The following QARS1 variants were observed in gnomAD, a reference collection of about 807,000 sequenced individuals.
The protein encoded by QARS1 is glutamine--tRNA ligase.
A neutral mutation model predicts 106.9 loss-of-function variants in QARS1; 79 were observed. The ratio of observed to expected loss-of-function variants is 0.74; its 90% confidence interval spans 0.62 to 0.89. The LOEUF (loss-of-function observed/expected upper bound fraction) is 0.89. Ranked by LOEUF, QARS1 falls within the 40% of genes least tolerant of loss-of-function variation. The pLI is 0.00. For synonymous variants in QARS1, 395 were observed against 367.7 expected, an observed-to-expected ratio of 1.07 and a Z score of -0.85; for missense variants, 966 against 997.2, an observed-to-expected ratio of 0.97 and a Z score of 0.42.
In QARS1 at chr3:49,100,264, C is replaced by T; in HGVS notation, c.1090G>A (p.Glu364Lys). The change falls in exon 13 of 24, where the codon GAG (glutamate) becomes AAG (lysine). Residue 364 changes from glutamate (E) to lysine (K), a missense_variant. Glu to Lys is a moderately conservative substitution (Grantham distance 56). Coordinates refer to ENST00000306125, the MANE Select transcript of QARS1 (RefSeq NM_005051.3). ...GGCAGAGTATTATGGCCTTTGAGCT[C>T]CTCTCCTCGCTGGTGGCACACATAA... is the stretch of plus-strand genomic sequence containing the variant. ...LAYVCHQRGE[E>K]LKGHNTLPSP... 1 of 1,614,248 alleles carries T rather than the reference C, an allele frequency of 6.2e-7. No homozygotes were observed. The highest frequency in any genetic ancestry group is 1.1e-5 in the South Asian group (1 of 91,090).
Position 49,103,937 on chromosome 3 carries a change from G to A in QARS1, c.301C>T (p.Pro101Ser), listed in dbSNP as rs1553752618. ...CGCTCGAAGTCCACAGTGTCGATGG[G>A]GTCCAAGGGGTGACTCCGCACATAC... ...LEYVRSHPLD[P>S]IDTVDFEREC... The change falls in exon 3 of 24, where the codon CCC (proline) becomes TCC (serine). Residue 101 changes from proline to serine, a missense_variant. Pro to Ser is a moderately conservative substitution (Grantham distance 74, BLOSUM62 -1). Transcript: ENST00000306125. 1 of 1,613,846 alleles carries A rather than the reference G, an allele frequency of 6.2e-7. No individual in the cohort carries two copies. The highest frequency in any genetic ancestry group is 8.5e-7 in the Non-Finnish European group (1 of 1,180,032).
At chr3:49,096,656 T>C (rs1480061908) in intron 23 of QARS1, among the ~76,000 whole-genome samples, 2 of 151,370 alleles carry the variant, frequency 1.3e-5, no homozygotes, top group Non-Finnish European at 1.5e-5. Flanking sequence ...AAAAATTAGC[T>C]GGGAGTGGTG....
At position 49,103,938 on chromosome 3, in the gene QARS1, G is replaced by A; in HGVS notation, c.300C>T (p.Asp100=). The part of the protein sequence containing the change: ...ALEYVRSHPL[D]PIDTVDFERE... The stretch of plus-strand genomic sequence containing the variant: ...GCTCGAAGTCCACAGTGTCGATGGG[G>A]TCCAAGGGGTGACTCCGCACATACT... Residue 100 remains aspartate (D), a synonymous_variant, in exon 3 of 24, where the codon GAC becomes GAT. Transcript: ENST00000306125. 1 of 1,613,974 alleles carries A rather than the reference G, an allele frequency of 6.2e-7. No individual in the cohort carries two copies. The highest frequency in any genetic ancestry group is 1.1e-5 in the South Asian group (1 of 91,090).
At position 49,104,370 on chromosome 3, in the gene QARS1, T is replaced by G; in HGVS notation, c.219A>C (p.Val73=). The G allele has an allele frequency of 6.2e-7, 1 of 1,614,018 alleles. No homozygotes were observed. Among genetic ancestry groups the G allele is most frequent in the Middle Eastern group, 1.6e-4 (1 of 6,062 alleles). Residue 73 remains valine (V), a synonymous_variant, in exon 2 of 24, where the codon GTA becomes GTC. Coordinates refer to ENST00000306125, the MANE Select transcript of QARS1 (RefSeq NM_005051.3). ...GGATCTTCTTACTGGCTATGTAGCTTACAAGGAAGGAGAGACGCCGGGTAT... is the reference window on the plus strand; with the variant it reads ...GGATCTTCTTACTGGCTATGTAGCTGACAAGGAAGGAGAGACGCCGGGTAT... ...LRDTRRLSFL[V]SYIASKKIHT... is the part of the protein sequence containing the mutation.
intron 6 of QARS1, 36 bp downstream of exon 6, chr3:49,102,383 T>A (rs1243284604): frequency 1.7e-5 from 28 of 1,613,436 alleles, no homozygotes; most frequent in Non-Finnish European, 2.3e-5. Flanking sequence ...ATACCTCACC[T>A]CACCCTCAGG....
intron 6 of QARS1, 50 bp downstream of exon 6, chr3:49,102,369 C>T (rs182505102): frequency 1.2e-6 from 2 of 1,612,536 alleles, no homozygotes; most frequent in South Asian, 1.1e-5. Context: ...CCTGAAGTCT[C>T]ACCATACCTC....
chr3:49,098,598 A>T lies in QARS1; in HGVS notation c.1956+2T>A. 6.2e-7 allele frequency: 1 copy of T among 1,610,238 alleles called. No homozygotes were observed. Among genetic ancestry groups the T allele is most frequent in the Non-Finnish European group, 8.5e-7 (1 of 1,177,792 alleles). ...AGTAGGAAGGCTGCAGCTGGCTCTC[A>T]CCTTGACAACATGCTGCAGCTCAAT... On this transcript the variant is annotated splice_donor_variant, in intron 20 of 23. Transcript: ENST00000306125. LOFTEE classifies it high-confidence loss of function.
rs753463624 is a variant in QARS1, at chr3:49,098,660, C to A, written c.1896G>T (p.Trp632Cys). The A allele has an allele frequency of 1.9e-6, 3 of 1,608,384 alleles. No homozygotes were observed. The African/African-American group carries it at 4.0e-5, about 22-fold the overall frequency. Residue 632 changes from tryptophan to cysteine, a missense_variant, in exon 20 of 24, where the codon TGG becomes TGT. By Grantham distance (215) the Trp-to-Cys change is radical (BLOSUM62 -2). Transcript: ENST00000306125. ...TATGCCTCAGGCCCACAGGCTGGCC[C>A]CAAGCCAGGCGCTTAAATCCTGGCT... is the stretch of plus-strand genomic sequence containing the variant. The part of the protein sequence containing the change: ...EPEPGFKRLA[W>C]GQPVGLRHTG...
Position 49,098,006 on chromosome 3 carries a change from T to C in QARS1, c.2263A>G (p.Ser755Gly), listed in dbSNP as rs762203649. 2 of 1,614,218 alleles carry C rather than the reference T, an allele frequency of 1.2e-6. No homozygotes were observed. Among genetic ancestry groups the C allele is most frequent in the Non-Finnish European group, 1.7e-6 (2 of 1,180,038 alleles). The change falls in exon 23 of 24, where the codon AGC becomes GGC. Residue 755 changes from serine (S) to glycine (G), a missense_variant. Ser to Gly is a moderately conservative substitution (Grantham distance 56, BLOSUM62 0). Coordinates refer to ENST00000306125, the MANE Select transcript of QARS1 (RefSeq NM_005051.3). ...RLGYFSVDPD[S>G]HQGKLVFNRT... The stretch of plus-strand genomic sequence containing the variant: ...AAGTCAAGCACCTTTCCCTGATGGC[T>C]GTCTGGATCCACGGAGAAATATCCA...
intron 5 of QARS1, among the ~76,000 whole-genome samples, chr3:49,102,888 C>G (rs1468479939): frequency 6.6e-6 from 1 of 152,220 alleles, no homozygotes; most frequent in East Asian, 1.9e-4. Context: ...GGTGATCTGC[C>G]CACCTCAGCC....
chr3:49,103,260 C>T, intron 5 of QARS1, 85 bp downstream of exon 5: 2 of 1,443,116 alleles, frequency 1.4e-6, no homozygotes, highest in Admixed American at 1.7e-5. Context: ...GCCCAGCCCT[C>T]TTCCTGCCTT....
chr3:49,104,637 G>C lies in QARS1; in HGVS notation c.97C>G (p.Leu33Val). ...TLKNSALSAQ[L>V]REAATQAQQT... The stretch of plus-strand genomic sequence containing the variant: ...CGCACCTGAGTAGCGGCCTCGCGCA[G>C]CTGCGCGCTCAGAGCCGAGTTCTTG... The change falls in exon 1 of 24, where the codon CTG (leucine) becomes GTG (valine). Residue 33 changes from leucine (L) to valine (V), a missense_variant. Physicochemically the swap from Leu to Val is conservative, Grantham distance 32. Coordinates refer to ENST00000306125, the MANE Select transcript of QARS1 (RefSeq NM_005051.3). 1.2e-6 allele frequency: 2 copies of C among 1,605,460 alleles called. No homozygotes were observed. Among genetic ancestry groups the C allele is most frequent in the Non-Finnish European group, 1.7e-6 (2 of 1,173,570 alleles).
chr3:49,099,280 C>G (rs1408389363), intron 17 of QARS1, 27 bp from the exon 18 acceptor site: 2 of 1,614,180 alleles, frequency 1.2e-6, no homozygotes, highest in Admixed American at 1.7e-5. Flanking sequence ...GCATCAGTCA[C>G]AGCTACAATC....
chr3:49,096,094 G>A lies in QARS1; in HGVS notation c.2278-15C>T. On this transcript the variant is annotated splice_polypyrimidine_tract_variant and intron_variant, in intron 23 of 23. Transcript: ENST00000306125. ...TTAAAGACAAGCTGGAGGGCAGAGGGAAAAGGATGACCACCAACCCAGAAC... is the reference window on the plus strand; with the variant it reads ...TTAAAGACAAGCTGGAGGGCAGAGGAAAAAGGATGACCACCAACCCAGAAC... The A allele has an allele frequency of 6.2e-7, 1 of 1,613,320 alleles. No individual in the cohort carries two copies. The highest frequency in any genetic ancestry group is 8.5e-7 in the Non-Finnish European group (1 of 1,179,750).
At position 49,098,926 on chromosome 3, in the gene QARS1, A is replaced by C. The variant is rs145548376; in HGVS notation, c.1822T>G (p.Phe608Val). The change falls in exon 19 of 24, where the codon TTT becomes GTT. Residue 608 changes from phenylalanine to valine, a missense_variant. Physicochemically the swap from Phe to Val is conservative, Grantham distance 50 (BLOSUM62 -1). Coordinates refer to ENST00000306125, the MANE Select transcript of QARS1 (RefSeq NM_005051.3). ...DETKGFHQVP[F>V]APIVFIERTD... ...CTCTCAATGAAGACAATGGGTGCAA[A>C]GGGAACCTGATGGAAGCCTTTGGTC... 84 of 1,613,946 alleles carry C rather than the reference A, an allele frequency of 5.2e-5. No individual in the cohort carries two copies. Among genetic ancestry groups the C allele is most frequent in the Non-Finnish European group, 6.9e-5 (82 of 1,179,980 alleles).
In QARS1 at chr3:49,099,104, GC is replaced by G; in HGVS notation, c.1758+5del. On this transcript the variant is annotated splice_donor_5th_base_variant and intron_variant, in intron 18 of 23. Transcript: ENST00000306125. ...ACATGTGACACACATGTTGAGGCAG[GC>G]CCACCTTGGCAGCAGGAAAGTTGGT... 1 of 1,614,160 alleles carries G rather than the reference GC, an allele frequency of 6.2e-7. No homozygotes were observed.
rs1380081309 is a variant in QARS1, at chr3:49,100,233, G to A, written c.1121C>T (p.Pro374Leu). The stretch of plus-strand genomic sequence containing the variant: ...CTCCTCCATGGGACGGTCTCTCCAG[G>A]GTGAAGGCAGAGTATTATGGCCTTT... ...ELKGHNTLPS[P>L]WRDRPMEESL... is the part of the protein sequence containing the mutation. The change falls in exon 13 of 24, where the codon CCC becomes CTC. Residue 374 changes from proline (P) to leucine (L), a missense_variant. Pro to Leu is a moderately conservative substitution (Grantham distance 98). Coordinates refer to ENST00000306125, the MANE Select transcript of QARS1 (RefSeq NM_005051.3). The A allele has an allele frequency of 6.2e-7, 1 of 1,614,220 alleles. No homozygotes were observed. The highest frequency in any genetic ancestry group is 2.2e-5 in the East Asian group (1 of 44,880).
Position 49,096,061 on chromosome 3 carries a change from C to CA in QARS1, c.2295dup (p.Val766CysfsTer16). The CA allele has an allele frequency of 6.2e-7, 1 of 1,613,896 alleles. No homozygotes were observed. Among genetic ancestry groups the CA allele is most frequent in the Admixed American group, 1.7e-5 (1 of 59,994 alleles). ...TTTCCTGGGTCTTCCTTCAGTGTGACAGTTCGGTTAAAGACAAGCTGGAGG... is the reference window on the plus strand; with the variant it reads ...TTTCCTGGGTCTTCCTTCAGTGTGACAAGTTCGGTTAAAGACAAGCTGGAGG... On this transcript the variant is annotated frameshift_variant, in exon 24 of 24. Transcript: ENST00000306125. LOFTEE classifies it high-confidence loss of function.
intron 10 of QARS1, 182 bp from the exon 11 acceptor site, chr3:49,100,856 C>T (rs2042461483): frequency 1.2e-5 from 8 of 691,738 alleles, no homozygotes; most frequent in East Asian, 2.7e-5. Flanking sequence ...GTTTCTCCTG[C>T]CTCAGCTTCC....
Sources: allele counts gnomAD v4.1 joint callset (sites outside exome capture counted in the v4.1 genomes callset), GRCh38; gene constraint gnomAD v4.1.1; transcripts MANE v1.5; gene names NCBI Gene and HGNC (gene_info 2026-07-23, HGNC 2026-07-21).